Variants in NKAIN3 observed in about 807,000 individuals in gnomAD.
NKAIN3 encodes the protein sodium/potassium transporting ATPase interacting 3.
NKAIN3 carries 25 observed loss-of-function variants against 30.2 expected under a neutral mutation model. The observed-to-expected ratio is 0.83, with a 90% CI of 0.60 to 1.16. The LOEUF (loss-of-function observed/expected upper bound fraction) is 1.16. Ranked by LOEUF, NKAIN3 falls within the 50% of genes most tolerant of loss-of-function variation. NKAIN3 has a pLI of 0.00. For missense variants in NKAIN3, 225 were observed against 254.1 expected (o/e 0.89, Z 0.78); for synonymous variants, 91 against 89.6 (o/e 1.02, Z -0.09).
chr8:62,961,594 T>A (rs574420502), intron 6 of NKAIN3, among the ~76,000 whole-genome samples: 2 of 152,238 alleles, frequency 1.3e-5, no homozygotes, highest in Admixed American at 1.3e-4. Context: ...AAACTTTTTT[T>A]AAAACAGAAC....
At chr8:62,284,693 A>G (rs1265038065) in intron 1 of NKAIN3, among the ~76,000 whole-genome samples, 3 of 152,116 alleles carry the variant, frequency 2.0e-5, no homozygotes, top group Non-Finnish European at 4.4e-5. Flanking sequence ...CAGGAAGTAA[A>G]GCTCATTCAA....
chr8:62,388,074 C>T (rs1189898337), intron 1 of NKAIN3, among the ~76,000 whole-genome samples: 2 of 152,008 alleles, frequency 1.3e-5, no homozygotes, highest in African/African-American at 2.4e-5. Flanking sequence ...TTTTTAACAC[C>T]GTTAAATAAT....
chr8:62,990,596 CCT>C (rs1824302215), intron 5 of NKAIN3: 1 of 157,792 alleles, frequency 6.3e-6, no homozygotes, highest in African/African-American at 2.4e-5. Context: ...TGTTGTAGCA[CCT>C]CTCTCTTCCT....
At chr8:62,849,379 A>G (rs1164009797) in intron 4 of NKAIN3, among the ~76,000 whole-genome samples, 2 of 147,478 alleles carry the variant, frequency 1.4e-5, no homozygotes, top group African/African-American at 5.0e-5. Context: ...CAGGGATTCA[A>G]TTTCTTCCTG....
At chr8:62,991,307 C>A (rs1824315657) in intron 5 of NKAIN3, among the ~76,000 whole-genome samples, 1 of 152,136 alleles carries the variant, frequency 6.6e-6, no homozygotes, top group Non-Finnish European at 1.5e-5. Flanking sequence ...GGCTAATCAC[C>A]TCAATACCAC....
chr8:62,415,841 T>A (rs1804427541), intron 1 of NKAIN3, among the ~76,000 whole-genome samples: 2 of 151,852 alleles, frequency 1.3e-5, no homozygotes, highest in South Asian at 4.2e-4. Flanking sequence ...CACGGCAAGC[T>A]CTGCCTCCCG....
intron 3 of NKAIN3, among the ~76,000 whole-genome samples, chr8:62,619,008 TG>T (rs1811545297): frequency 6.6e-6 from 1 of 152,150 alleles, no homozygotes; most frequent in Admixed American, 6.5e-5. Flanking sequence ...ATGGTGCTGT[TG>T]GGTTAAGCAT....
intron 1 of NKAIN3, among the ~76,000 whole-genome samples, chr8:62,404,001 A>T (rs1803974224): frequency 6.6e-6 from 1 of 152,256 alleles, no homozygotes; most frequent in Non-Finnish European, 1.5e-5. Flanking sequence ...TTGCAACAGC[A>T]TGCCCTGGAT....
At chr8:62,518,991 CAATGTGTG>C (rs1472523830) in intron 1 of NKAIN3, among the ~76,000 whole-genome samples, 1 of 151,978 alleles carries the variant, frequency 6.6e-6, no homozygotes, top group Non-Finnish European at 1.5e-5. Context: ...ATAGCTTTCA[CAATGTGTG>C]AAGTGGATAT....
At chr8:62,895,176 C>T (rs1023835616) in intron 4 of NKAIN3, among the ~76,000 whole-genome samples, 3 of 152,200 alleles carry the variant, frequency 2.0e-5, no homozygotes, top group Non-Finnish European at 4.4e-5. Context: ...TATTCTCTTC[C>T]TTCACATTTT....
intron 3 of NKAIN3, among the ~76,000 whole-genome samples, chr8:62,654,978 C>T (rs1295678776): frequency 6.6e-6 from 1 of 152,150 alleles, no homozygotes; most frequent in Non-Finnish European, 1.5e-5. Context: ...AGTGTGTGGT[C>T]AAAGATAGCC....
chr8:62,402,984 T>G lies in NKAIN3; in HGVS notation c.54+153857T>G, dbSNP rs183464656. On this transcript the variant is annotated intron_variant, in intron 1 of 6. Transcript: ENST00000623646. ...AGGAAGATGTGGGAAACTTTGGAAC[T>G]TCCTAGAGACTTGCGGAATGTTTGA... 2.4e-4 allele frequency among the ~76,000 whole-genome samples: 36 copies of G among 152,250 alleles called. No individual in the cohort carries two copies. In the East Asian group the frequency reaches 2.7e-3, roughly 11 times the overall value.
chr8:62,877,495 T>C (rs1820835583), intron 4 of NKAIN3, among the ~76,000 whole-genome samples: 2 of 152,080 alleles, frequency 1.3e-5, no homozygotes, highest in Admixed American at 1.3e-4. Context: ...GAGGGCAGCT[T>C]CCCCCATGAG....
intron 1 of NKAIN3, among the ~76,000 whole-genome samples, chr8:62,428,291 C>A (rs1007874041): frequency 6.6e-6 from 1 of 151,862 alleles, no homozygotes; most frequent in Non-Finnish European, 1.5e-5. Flanking sequence ...GTGAATGGTT[C>A]TTCAATAAAC....
intron 1 of NKAIN3, among the ~76,000 whole-genome samples, chr8:62,558,726 CTTGGGTT>C (rs1809480983): frequency 6.6e-6 from 1 of 151,918 alleles, no homozygotes; most frequent in Admixed American, 6.6e-5. Context: ...CTCCTGCACA[CTTGGGTT>C]TATTTTGTTC....
At chr8:62,871,763 C>A (rs1820654186) in intron 4 of NKAIN3, among the ~76,000 whole-genome samples, 1 of 152,164 alleles carries the variant, frequency 6.6e-6, no homozygotes, top group Non-Finnish European at 1.5e-5. Flanking sequence ...CTTTTCATAT[C>A]TCCAGTAAAA....
chr8:62,998,254 TTCTCTC>T (rs749712108), intron 5 of NKAIN3, among the ~76,000 whole-genome samples: 1 of 151,246 alleles, frequency 6.6e-6, no homozygotes, highest in Non-Finnish European at 1.5e-5. Flanking sequence ...TCATTTTTCT[TTCTCTC>T]TCTCTCTCTC....
chr8:62,509,213 A>G (rs768220255), intron 1 of NKAIN3, among the ~76,000 whole-genome samples: 13 of 152,234 alleles, frequency 8.5e-5, no homozygotes, highest in Non-Finnish European at 1.8e-4. Flanking sequence ...GGTCCCAAGC[A>G]AAGCATTGTC....
In NKAIN3 at chr8:62,729,062, C is replaced by A. The variant is rs1815383927; in HGVS notation, c.274-17870C>A. 2.7e-5 allele frequency among the ~76,000 whole-genome samples: 2 copies of A among 73,090 alleles called. 1 individual carries two copies. The highest frequency in any genetic ancestry group is 5.2e-5 in the Non-Finnish European group (2 of 38,812). The allele number at this position is 73,090 out of a possible 152,430, so 47.9% of individuals were successfully genotyped here. ...AAACAAAAAAAAAAAACCTCCTGCT[C>A]TGCAAAAGACATTGGCAAGAGAATA... is the stretch of plus-strand genomic sequence containing the variant. On this transcript the variant is annotated intron_variant, in intron 3 of 6. Transcript: ENST00000623646.
Sources: gnomAD v4.1 joint callset for allele counts (sites outside exome capture counted in the v4.1 genomes callset) on GRCh38, gnomAD v4.1.1 for gene constraint, MANE v1.5 for transcripts, NCBI Gene and HGNC (gene_info 2026-07-23, HGNC 2026-07-21) for gene names.